DLGAP2: variants seen among roughly 807,000 people sequenced by gnomAD.
DLGAP2 encodes disks large-associated protein 2.
Under a neutral mutation model 100.3 loss-of-function variants are expected in DLGAP2, and 26 were observed. The observed-to-expected ratio is 0.26, with a 90% CI of 0.19 to 0.36. The LOEUF (loss-of-function observed/expected upper bound fraction) is 0.36, where lower values mean the gene tolerates loss of function less well. Among genes scored for constraint, DLGAP2 ranks in the 10% least tolerant of loss-of-function variants. The probability of loss-of-function intolerance (pLI) is 1.00; values close to 1 mark genes in which losing one functional copy is unlikely to be tolerated. For missense variants in DLGAP2, 1,858 were observed against 1,453.2 expected (o/e 1.28, Z -4.53); for synonymous variants, 886 against 630.1 (o/e 1.41, Z -6.08).
intron 1 of DLGAP2, among the ~76,000 whole-genome samples, chr8:777,664 T>C (rs534199926): frequency 6.6e-6 from 1 of 152,198 alleles, no homozygotes; most frequent in Non-Finnish European, 1.5e-5. Context: ...TCTTTGAGAA[T>C]GTTGAATATT....
chr8:1,040,907 C>T (rs1205869649), intron 2 of DLGAP2, among the ~76,000 whole-genome samples: 1 of 152,150 alleles, frequency 6.6e-6, no homozygotes, highest in Non-Finnish European at 1.5e-5. Flanking sequence ...GAGCTGCCCT[C>T]TTTTGATCTA....
chr8:1,413,311 G>C (rs1459887220), intron 3 of DLGAP2, among the ~76,000 whole-genome samples: 1 of 152,182 alleles, frequency 6.6e-6, no homozygotes, highest in Non-Finnish European at 1.5e-5. Context: ...TGAATAAATG[G>C]ATAGATATTT....
At chr8:1,451,975 G>A (rs1176289378) in intron 3 of DLGAP2, among the ~76,000 whole-genome samples, 1 of 152,182 alleles carries the variant, frequency 6.6e-6, no homozygotes, top group Non-Finnish European at 1.5e-5. Context: ...CTCTTAAAAC[G>A]ACAACAAAAT....
chr8:1,216,052 T>C (rs1798206550), intron 2 of DLGAP2, among the ~76,000 whole-genome samples: 1 of 152,224 alleles, frequency 6.6e-6, no homozygotes, highest in Non-Finnish European at 1.5e-5. Flanking sequence ...CTGGTGCATC[T>C]GTGCATTGGT....
chr8:1,025,945 G>A (rs1037406443), intron 2 of DLGAP2, among the ~76,000 whole-genome samples: 2 of 152,210 alleles, frequency 1.3e-5, no homozygotes, highest in Non-Finnish European at 2.9e-5. Flanking sequence ...GGAGCAGGGA[G>A]CACCTGGGAC....
intron 3 of DLGAP2, among the ~76,000 whole-genome samples, chr8:1,330,490 TG>T (rs1801127869): frequency 7.2e-6 from 1 of 139,782 alleles, no homozygotes; most frequent in African/African-American, 2.7e-5. Flanking sequence ...GACTGAGTTT[TG>T]GGTGGGAGCA....
chr8:772,230 C>T (rs1305939597), intron 1 of DLGAP2, among the ~76,000 whole-genome samples: 3 of 151,900 alleles, frequency 2.0e-5, no homozygotes, highest in African/African-American at 4.8e-5. Context: ...TTCTAGTAGC[C>T]ATATTGAAAA....
intron 3 of DLGAP2, among the ~76,000 whole-genome samples, chr8:1,442,390 A>G (rs990787334): frequency 6.7e-6 from 1 of 149,202 alleles, no homozygotes; most frequent in Non-Finnish European, 1.5e-5. Flanking sequence ...ACTGGAGGAG[A>G]CGGATCCGGG....
chr8:1,564,173 T>A (rs1313302964), intron 5 of DLGAP2, among the ~76,000 whole-genome samples: 1 of 152,086 alleles, frequency 6.6e-6, no homozygotes, highest in Non-Finnish European at 1.5e-5. Flanking sequence ...ACCTATGGAG[T>A]GAACTTTACC....
chr8:1,131,928 T>C (rs749002356), intron 2 of DLGAP2, among the ~76,000 whole-genome samples: 4 of 152,244 alleles, frequency 2.6e-5, no homozygotes, highest in African/African-American at 4.8e-5. Context: ...AGAATGTTTG[T>C]ATCTTCATAA....
Position 1,316,634 on chromosome 8 carries a change from G to A in DLGAP2, c.106+57751G>A, listed in dbSNP as rs79506639. On this transcript the variant is annotated intron_variant, in intron 3 of 14. Coordinates refer to ENST00000637795, the MANE Select transcript of DLGAP2 (RefSeq NM_001346810.2). ...AAAATAGAGCGTGTGCGAGTGCAGC[G>A]TCTCTCCAACAGTGGTCTACACTCG... Among the ~76,000 whole-genome samples the A allele has an allele frequency of 4.5e-3, 630 of 140,238 alleles. No individual in the cohort carries two copies. In the East Asian group the frequency reaches 0.084, roughly 19 times the overall value. The allele number at this position is 140,238 out of a possible 152,430, so 92.0% of individuals were successfully genotyped here. A position where few individuals can be genotyped will look rare whatever the true frequency, so the allele number is the denominator to read the frequency against.
intron 6 of DLGAP2, among the ~76,000 whole-genome samples, chr8:1,591,251 C>T (rs953143004): frequency 1.3e-5 from 2 of 152,026 alleles, no homozygotes; most frequent in African/African-American, 2.4e-5. Context: ...TAGGGAATTA[C>T]AGGGAAGGGA....
intron 3 of DLGAP2, among the ~76,000 whole-genome samples, chr8:1,350,978 G>C (rs150264327): frequency 0.033 from 752 of 22,598 alleles, no homozygotes; most frequent in East Asian, 0.054. Context: ...CGGGTCCTGA[G>C]TGTGCGTGGA....
chr8:1,245,903 A>T (rs946264570), intron 2 of DLGAP2, among the ~76,000 whole-genome samples: 1 of 152,196 alleles, frequency 6.6e-6, no homozygotes. Flanking sequence ...GGGTGGTCCC[A>T]GTATGACCGC....
At chr8:1,463,185 G>A (rs1410725776) in intron 3 of DLGAP2, among the ~76,000 whole-genome samples, 1 of 152,186 alleles carries the variant, frequency 6.6e-6, no homozygotes, top group African/African-American at 2.4e-5. Flanking sequence ...GGAGATGGAG[G>A]CTGCAGTGAG....
chr8:1,387,874 C>T (rs150138612), intron 3 of DLGAP2, among the ~76,000 whole-genome samples: 3 of 152,286 alleles, frequency 2.0e-5, no homozygotes, highest in Middle Eastern at 3.4e-3. Flanking sequence ...GATTTGATGG[C>T]GCTGGAAGCC....
intron 3 of DLGAP2, among the ~76,000 whole-genome samples, chr8:1,445,836 G>T (rs1423380633): frequency 1.3e-5 from 2 of 152,160 alleles, no homozygotes; most frequent in African/African-American, 4.8e-5. Flanking sequence ...TTCTCTGATG[G>T]CCAGTGATGA....
At chr8:1,183,491 A>G (rs1042726786) in intron 2 of DLGAP2, among the ~76,000 whole-genome samples, 1 of 152,236 alleles carries the variant, frequency 6.6e-6, no homozygotes, top group Non-Finnish European at 1.5e-5. Context: ...CTTGTCAGGA[A>G]GGGTTCCAAG....
intron 2 of DLGAP2, among the ~76,000 whole-genome samples, chr8:950,622 CTTTT>C (rs34631994): frequency 4.6e-5 from 6 of 130,498 alleles, no homozygotes; most frequent in Non-Finnish European, 6.5e-5. Context: ...TTTTCTTTTT[CTTTT>C]TTTTTTTTTT....
Sources: gnomAD v4.1 joint callset for allele counts (sites outside exome capture counted in the v4.1 genomes callset) on GRCh38, gnomAD v4.1.1 for gene constraint, MANE v1.5 for transcripts, NCBI Gene and HGNC (gene_info 2026-07-23, HGNC 2026-07-21) for gene names.